Variants in TM9SF3 observed in about 807,000 individuals in gnomAD.
TM9SF3 encodes the protein transmembrane 9 superfamily member 3, also known as SM-11044-binding protein.
TM9SF3 carries 14 observed loss-of-function variants against 78.6 expected under a neutral mutation model. The observed-to-expected ratio is 0.18, with a 90% CI of 0.12 to 0.28. TM9SF3 has a LOEUF of 0.28. Ranked by LOEUF, TM9SF3 falls within the 10% of genes least tolerant of loss-of-function variation. The probability of loss-of-function intolerance (pLI) is 1.00; values close to 1 mark genes in which losing one functional copy is unlikely to be tolerated. For synonymous variants in TM9SF3, 231 were observed against 241.7 expected (o/e 0.96, Z 0.41); for missense variants, 496 against 721.9 (o/e 0.69, Z 3.59).
At chr10:96,585,313 A>G (rs1357939231) in intron 1 of TM9SF3, among the ~76,000 whole-genome samples, 24 of 152,220 alleles carry the variant, frequency 1.6e-4, no homozygotes, top group Non-Finnish European at 1.5e-5. Context: ...AAATTTAAAA[A>G]TACTCAAAGA....
intron 2 of TM9SF3, among the ~76,000 whole-genome samples, chr10:96,574,921 C>T (rs1052304674): frequency 5.3e-5 from 8 of 152,074 alleles, no homozygotes; most frequent in African/African-American, 1.7e-4. Context: ...CCGGCCCTGT[C>T]AGGGGGTGGG....
chr10:96,573,284 T>C (rs1848459798), intron 2 of TM9SF3, among the ~76,000 whole-genome samples: 1 of 152,218 alleles, frequency 6.6e-6, no homozygotes, highest in Non-Finnish European at 1.5e-5. Context: ...GAGAGGGAAT[T>C]GGATGACACA....
chr10:96,529,647 T>TAAA (rs72071295), intron 11 of TM9SF3, among the ~76,000 whole-genome samples: 1 of 147,790 alleles, frequency 6.8e-6, no homozygotes, highest in African/African-American at 2.5e-5. Context: ...GCTCTATATT[T>TAAA]AAAAAAAAAA....
chr10:96,529,630 G>T (rs1446892453), intron 11 of TM9SF3, among the ~76,000 whole-genome samples: 1 of 146,174 alleles, frequency 6.8e-6, no homozygotes, highest in Non-Finnish European at 1.5e-5. Context: ...TGAAAAAAAA[G>T]ACCATGGCTC....
rs1848636362 is a variant in TM9SF3 at position 96,586,722 on chromosome 10, G to C, written c.102+12C>G. 4 of 1,224,360 alleles carry C rather than the reference G, an allele frequency of 3.3e-6. No homozygotes were observed. The highest frequency in any genetic ancestry group is 4.3e-5 in the Admixed American group (1 of 23,086). 75.8% of individuals were successfully genotyped at this position (1,224,360 alleles called of 1,614,324 possible). A position where few individuals can be genotyped will look rare whatever the true frequency, so the allele number is the denominator to read the frequency against. On this transcript the variant is annotated intron_variant, in intron 1 of 14. Coordinates refer to ENST00000371142, the MANE Select transcript of TM9SF3 (RefSeq NM_020123.4). The stretch of plus-strand genomic sequence containing the variant: ...CTAGCCCGGGGCGGCCGCGCCGGCC[G>C]GGGCGCCTCACCGTGTGTTCGTGCT...
intron 3 of TM9SF3, 88 bp from the exon 4 acceptor site, chr10:96,562,226 T>TG: frequency 8.7e-7 from 1 of 1,144,758 alleles, no homozygotes; most frequent in Non-Finnish European, 1.2e-6. Flanking sequence ...GTTTTTTTTT[T>TG]TTTTTTTTTT....
At chr10:96,550,155 T>C (rs776957802) in intron 7 of TM9SF3, among the ~76,000 whole-genome samples, 2 of 152,206 alleles carry the variant, frequency 1.3e-5, no homozygotes, top group Non-Finnish European at 2.9e-5. Context: ...ATTAAAGAAA[T>C]ACAACCAATG....
intron 10 of TM9SF3, among the ~76,000 whole-genome samples, chr10:96,531,275 TC>T (rs909612413): frequency 1.3e-5 from 2 of 152,148 alleles, no homozygotes; most frequent in Admixed American, 1.3e-4. Flanking sequence ...TTGCTGAGTC[TC>T]CCAGGAAGAG....
chr10:96,569,701 G>C (rs1193985824), intron 2 of TM9SF3, among the ~76,000 whole-genome samples: 2 of 152,240 alleles, frequency 1.3e-5, no homozygotes, highest in East Asian at 3.9e-4. Context: ...GAAAACCAAA[G>C]AAGGATGGAA....
At chr10:96,579,544 T>C (rs950557414) in intron 1 of TM9SF3, among the ~76,000 whole-genome samples, 5 of 152,236 alleles carry the variant, frequency 3.3e-5, no homozygotes, top group Non-Finnish European at 7.3e-5. Flanking sequence ...ATTCCGAAGT[T>C]ACTCATTTTA....
At chr10:96,577,359 G>A (rs958239142) in intron 1 of TM9SF3, 5 of 151,996 alleles carry the variant, frequency 3.3e-5, no homozygotes, top group Admixed American at 2.6e-4. Flanking sequence ...GACTGCTATA[G>A]AACCTCCACA....
At chr10:96,567,107 G>A (rs1313075489) in intron 2 of TM9SF3, among the ~76,000 whole-genome samples, 3 of 107,930 alleles carry the variant, frequency 2.8e-5, no homozygotes, top group Non-Finnish European at 5.4e-5. Flanking sequence ...TTTTTGAGAC[G>A]GAGTTTCACT....
At chr10:96,546,571 G>A (rs1158651541) in intron 8 of TM9SF3, among the ~76,000 whole-genome samples, 1 of 152,072 alleles carries the variant, frequency 6.6e-6, no homozygotes, top group African/African-American at 2.4e-5. Context: ...TATTTCCTTA[G>A]GATGTAGTCC....
At position 96,540,415 on chromosome 10, in the gene TM9SF3, T is replaced by C. The variant is rs566729070; in HGVS notation, c.1185+3661A>G. 3.3e-5 allele frequency among the ~76,000 whole-genome samples: 5 copies of C among 152,346 alleles called. No homozygotes were observed. The South Asian group carries it at 1.0e-3, about 32-fold the overall frequency. On this transcript the variant is annotated intron_variant, in intron 9 of 14. Coordinates refer to ENST00000371142, the MANE Select transcript of TM9SF3 (RefSeq NM_020123.4). ...TATTCAAACATTACTTAATGTGATCTCTCGGTATCTCTAAAAGATCATTTT... is the reference window on the plus strand; with the variant it reads ...TATTCAAACATTACTTAATGTGATCCCTCGGTATCTCTAAAAGATCATTTT...
At chr10:96,522,770 A>T (rs1847794241) in intron 14 of TM9SF3, among the ~76,000 whole-genome samples, 1 of 151,916 alleles carries the variant, frequency 6.6e-6, no homozygotes. Flanking sequence ...CTCTTAAGGA[A>T]GGACAGGGAA....
At position 96,519,972 on chromosome 10, in the gene TM9SF3, G is replaced by A. The variant is rs879492476; in HGVS notation, c.*2291C>T. On this transcript the variant is annotated 3_prime_UTR_variant, in exon 15 of 15. Transcript: ENST00000371142. Reference sequence around the variant, plus strand: ...CAAATAGAGCTCAATTTAGTAGAAAGAATTGGTGTACCTGAAAGCATTTAA... The same window carrying A: ...CAAATAGAGCTCAATTTAGTAGAAAAAATTGGTGTACCTGAAAGCATTTAA... The A allele has an allele frequency of 5.4e-4, 82 of 151,894 alleles. 2 individuals are homozygous for A. Among genetic ancestry groups the A allele is most frequent in the Middle Eastern group, 6.3e-3 (2 of 316 alleles). 9.4% of individuals were successfully genotyped at this position (151,894 alleles called of 1,614,324 possible).
intron 7 of TM9SF3, among the ~76,000 whole-genome samples, chr10:96,550,653 G>T (rs1290663002): frequency 1.3e-5 from 2 of 152,110 alleles, no homozygotes; most frequent in African/African-American, 4.8e-5. Flanking sequence ...ATAATTCAAA[G>T]ACCTCAAATT....
chr10:96,572,163 T>C (rs902109019), intron 2 of TM9SF3, among the ~76,000 whole-genome samples: 1 of 152,228 alleles, frequency 6.6e-6, no homozygotes, highest in Non-Finnish European at 1.5e-5. Flanking sequence ...AGACCCATGC[T>C]ATGTGCTATT....
intron 2 of TM9SF3, among the ~76,000 whole-genome samples, chr10:96,570,991 G>A (rs558547202): frequency 6.6e-6 from 1 of 152,222 alleles, no homozygotes; most frequent in East Asian, 1.9e-4. Flanking sequence ...CACCCGCCTC[G>A]GCTTCCCAAA....
Sources: allele counts gnomAD v4.1 joint callset (sites outside exome capture counted in the v4.1 genomes callset), GRCh38; gene constraint gnomAD v4.1.1; transcripts MANE v1.5; gene names NCBI Gene and HGNC (gene_info 2026-07-23, HGNC 2026-07-21).